Variants in IGFL2 observed in about 807,000 individuals in gnomAD.
The protein encoded by IGFL2 is insulin growth factor-like family member 2.
IGFL2 carries 7 observed loss-of-function variants against 13.9 expected under a neutral mutation model. The observed-to-expected ratio is 0.51, with a 90% CI of 0.29 to 0.95. The LOEUF (loss-of-function observed/expected upper bound fraction) is 0.95, where lower values mean the gene tolerates loss of function less well. Ranked by LOEUF, IGFL2 falls within the 40% of genes least tolerant of loss-of-function variation. IGFL2 has a pLI of 0.08. For missense variants in IGFL2, 138 were observed against 147.8 expected (o/e 0.93, Z 0.34); for synonymous variants, 55 against 55.8 (o/e 0.99, Z 0.07).
chr19:46,101,726 C>T, the IGFL2 span, among the ~76,000 whole-genome samples: 1 of 152,324 alleles, frequency 6.6e-6, no homozygotes, highest in South Asian at 2.1e-4. Flanking sequence ...GCCCTCCTCC[C>T]CAGAACTCGG....
chr19:46,187,906 G>C, the IGFL2 span, among the ~76,000 whole-genome samples: 1 of 150,342 alleles, frequency 6.7e-6, no homozygotes, highest in African/African-American at 2.4e-5. Flanking sequence ...CCTGATCAGA[G>C]ACGGTGAGCA....
At chr19:46,191,889 C>T in the IGFL2 span, among the ~76,000 whole-genome samples, 2 of 152,252 alleles carry the variant, frequency 1.3e-5, no homozygotes, top group African/African-American at 4.8e-5. Flanking sequence ...CTTTTGTAAT[C>T]TTATTTACTA....
At chr19:46,112,907 T>C in the IGFL2 span, 2 of 152,228 alleles carry the variant, frequency 1.3e-5, no homozygotes, top group African/African-American at 4.8e-5. Context: ...GAAAGGTGCA[T>C]GTTAGGAAAG....
chr19:46,137,201 G>A, the IGFL2 span: 15 of 1,581,416 alleles, frequency 9.5e-6, no homozygotes, highest in South Asian at 1.6e-4. Flanking sequence ...CACAGAGCTT[G>A]TTTCAGAAAT....
At chr19:46,194,479 A>T in the IGFL2 span, among the ~76,000 whole-genome samples, 347 of 152,248 alleles carry the variant, frequency 2.3e-3, 2 homozygotes, top group African/African-American at 7.9e-3. Context: ...ATTCTGCTGC[A>T]GAAAGCAGTA....
upstream of IGFL2, chr19:46,147,894 C>T (rs575896721): frequency 5.6e-5 from 11 of 197,132 alleles, no homozygotes; most frequent in Admixed American, 1.8e-4. Flanking sequence ...GAAGTTTCAT[C>T]ACCAGCTGTG....
At chr19:46,159,298 T>A (rs1974005024) in intron 1 of IGFL2, 1 of 152,202 alleles carries the variant, frequency 6.6e-6, no homozygotes, top group Non-Finnish European at 1.5e-5. Context: ...TAGAAGGTGT[T>A]TAGTAGAAGG....
At chr19:46,120,309 T>C in the IGFL2 span, 6 of 1,610,860 alleles carry the variant, frequency 3.7e-6, no homozygotes, top group Non-Finnish European at 5.1e-6. Context: ...GTCTGCCGTC[T>C]GCCAGTGGAG....
chr19:46,150,186 G>T (rs1973398624), intron 1 of IGFL2, among the ~76,000 whole-genome samples: 2 of 151,426 alleles, frequency 1.3e-5, no homozygotes, highest in South Asian at 2.1e-4. Flanking sequence ...TTTGAGAAAA[G>T]GTTTATTCAG....
At chr19:46,202,234 T>A in the IGFL2 span, among the ~76,000 whole-genome samples, 1 of 152,150 alleles carries the variant, frequency 6.6e-6, no homozygotes, top group Non-Finnish European at 1.5e-5. Flanking sequence ...ATCAGGCACC[T>A]CAGACCATTT....
At chr19:46,095,284 G>A in the IGFL2 span, among the ~76,000 whole-genome samples, 2 of 152,178 alleles carry the variant, frequency 1.3e-5, no homozygotes, top group African/African-American at 2.4e-5. Context: ...GATCAGTGAT[G>A]TTGAGCTTTT....
At chr19:46,144,386 G>A (rs1405765412), upstream of IGFL2, among the ~76,000 whole-genome samples, 2 of 152,138 alleles carry the variant, frequency 1.3e-5, no homozygotes, top group Admixed American at 6.5e-5. Context: ...ACCTGTCCAC[G>A]TAATTCTCTA....
At chr19:46,090,626 C>T in the IGFL2 span, among the ~76,000 whole-genome samples, 6 of 152,336 alleles carry the variant, frequency 3.9e-5, no homozygotes, top group East Asian at 3.9e-4. Flanking sequence ...ATGACAAGCA[C>T]GTTGCCCGGC....
At chr19:46,144,174 A>G (rs1972997760), upstream of IGFL2, among the ~76,000 whole-genome samples, 1 of 152,258 alleles carries the variant, frequency 6.6e-6, no homozygotes. Context: ...AAGACAATAC[A>G]TGAATGAATG....
intron 1 of IGFL2, among the ~76,000 whole-genome samples, chr19:46,154,461 T>G (rs1973697446): frequency 6.6e-6 from 1 of 152,164 alleles, no homozygotes; most frequent in Admixed American, 6.5e-5. Context: ...TTGTTTTGTT[T>G]TTGACGGAGT....
chr19:46,175,134 G>A, the IGFL2 span, among the ~76,000 whole-genome samples: 1 of 152,102 alleles, frequency 6.6e-6, no homozygotes, highest in African/African-American at 2.4e-5. Flanking sequence ...ACATGAATCT[G>A]TCTCTGAAAA....
At chr19:46,090,633 C>T in the IGFL2 span, among the ~76,000 whole-genome samples, 483 of 152,282 alleles carry the variant, frequency 3.2e-3, 2 homozygotes, top group African/African-American at 0.011. Flanking sequence ...GCACGTTGCC[C>T]GGCTGGAATC....
chr19:46,199,452 G>T, the IGFL2 span, among the ~76,000 whole-genome samples: 1 of 152,168 alleles, frequency 6.6e-6, no homozygotes, highest in African/African-American at 2.4e-5. Flanking sequence ...GCTGGCGGAG[G>T]CATTGGACAG....
At chr19:46,186,418 G>A in the IGFL2 span, among the ~76,000 whole-genome samples, 1 of 152,206 alleles carries the variant, frequency 6.6e-6, no homozygotes, top group African/African-American at 2.4e-5. Context: ...CAGGACCCTG[G>A]CAGCGGTGGC....
Sources: gnomAD v4.1 joint callset for allele counts (sites outside exome capture counted in the v4.1 genomes callset) on GRCh38, gnomAD v4.1.1 for gene constraint, MANE v1.5 for transcripts, NCBI Gene and HGNC (gene_info 2026-07-23, HGNC 2026-07-21) for gene names.